Variants in COBL observed in about 807,000 individuals in gnomAD.
The protein encoded by COBL is cordon-bleu WH2 repeat protein.
Under a neutral mutation model 98.8 loss-of-function variants are expected in COBL, and 51 were observed. The ratio of observed to expected loss-of-function variants is 0.52; its 90% CI spans 0.41 to 0.65. The LOEUF is 0.65. Among genes scored for constraint, COBL ranks in the 30% least tolerant of loss-of-function variants. The pLI, the probability that COBL is intolerant of heterozygous loss-of-function variation, is 0.00. For synonymous variants in COBL, 634 were observed against 651.7 expected (o/e 0.97, Z 0.41); for missense variants, 1,617 against 1,617.5 (o/e 1.00, Z 0.01).
At chr7:51,100,502 C>T (rs1313911018) in intron 6 of COBL, among the ~76,000 whole-genome samples, 1 of 152,158 alleles carries the variant, frequency 6.6e-6, no homozygotes, top group Non-Finnish European at 1.5e-5. Flanking sequence ...TAGCTGAAGC[C>T]CTCTAAGCTC....
chr7:51,214,204 T>G (rs1792781493), intron 2 of COBL, among the ~76,000 whole-genome samples: 1 of 151,848 alleles, frequency 6.6e-6, no homozygotes, highest in Admixed American at 6.6e-5. Flanking sequence ...AGGCAGAGGT[T>G]GCAGTGAGCC....
chr7:51,027,462 C>A (rs571241126), intron 10 of COBL, among the ~76,000 whole-genome samples: 1 of 152,356 alleles, frequency 6.6e-6, no homozygotes, highest in South Asian at 2.1e-4. Flanking sequence ...ACCTTTCCCA[C>A]AGGGCAGCCA....
chr7:51,265,023 C>T (rs988163866), intron 1 of COBL, among the ~76,000 whole-genome samples: 3 of 152,166 alleles, frequency 2.0e-5, no homozygotes, highest in Non-Finnish European at 4.4e-5. Context: ...CTCATGCTCA[C>T]GTTTCCAATG....
chr7:51,026,069 T>C (rs902419415), intron 11 of COBL, among the ~76,000 whole-genome samples: 2 of 152,198 alleles, frequency 1.3e-5, no homozygotes, highest in Non-Finnish European at 2.9e-5. Context: ...ACAAATCACA[T>C]TGCTCCTCAA....
chr7:51,150,729 C>T (rs1785475252), intron 5 of COBL, among the ~76,000 whole-genome samples: 1 of 152,140 alleles, frequency 6.6e-6, no homozygotes, highest in African/African-American at 2.4e-5. Context: ...AGATGAAGAC[C>T]ACCTATGGCT....
rs1485148956 is a variant in COBL, at chr7:51,187,327, T to TACAC, written c.686-3129_686-3128insGTGT. 1.7e-3 allele frequency among the ~76,000 whole-genome samples: 241 copies of TACAC among 139,044 alleles called. 1 individual carries two copies. The highest frequency in any genetic ancestry group is 6.7e-3 in the African/African-American group (229 of 34,264). The allele number at this position is 139,044 out of a possible 152,430, so 91.2% of individuals were successfully genotyped here. On this transcript the variant is annotated intron_variant, in intron 4 of 12. Transcript: ENST00000265136. ...ATGTTTAAGTATATATATATATATA[T>TACAC]ATATACACACACACACACACACACA...
chr7:51,173,575 G>A (rs986936373), intron 5 of COBL, among the ~76,000 whole-genome samples: 1 of 152,098 alleles, frequency 6.6e-6, no homozygotes, highest in Non-Finnish European at 1.5e-5. Flanking sequence ...ATCCAGAAAA[G>A]AAAAATGGTA....
Position 51,065,212 on chromosome 7 carries a change from G to A in COBL, c.1096+19954C>T, listed in dbSNP as rs143548565. 943 of 703,000 alleles carry A rather than the reference G, an allele frequency of 1.3e-3. 7 individuals carry two copies. The African/African-American group carries it at 0.015, about 11-fold the overall frequency. The allele number at this position is 703,000 out of a possible 1,614,324, so 43.5% of individuals were successfully genotyped here. ...GACACAAGATGGGTTGTGTGTGTGT[G>A]CGTGTGTGTGTCTAAGTGTGCACAT... is the stretch of plus-strand genomic sequence containing the variant. On this transcript the variant is annotated intron_variant, in intron 7 of 12. Transcript: ENST00000265136.
At chr7:51,105,763 C>A (rs1275251779) in intron 6 of COBL, among the ~76,000 whole-genome samples, 3 of 151,714 alleles carry the variant, frequency 2.0e-5, no homozygotes, top group African/African-American at 7.3e-5. Flanking sequence ...CTCAGATCCA[C>A]CCTCTGTCCT....
At chr7:51,166,805 C>A (rs1356671888) in intron 5 of COBL, among the ~76,000 whole-genome samples, 1 of 152,030 alleles carries the variant, frequency 6.6e-6, no homozygotes, top group Non-Finnish European at 1.5e-5. Context: ...TCAACATATG[C>A]AAATCAATCA....
intron 6 of COBL, among the ~76,000 whole-genome samples, chr7:51,098,023 C>CAAA (rs3047141): frequency 1.1e-5 from 1 of 94,362 alleles, no homozygotes; most frequent in Non-Finnish European, 2.1e-5. Flanking sequence ...GACTCCATCT[C>CAAA]AAAAAAAAAA....
chr7:51,069,653 A>T (rs1031714790), intron 7 of COBL, among the ~76,000 whole-genome samples: 3 of 152,238 alleles, frequency 2.0e-5, no homozygotes, highest in African/African-American at 7.2e-5. Flanking sequence ...TGGGCTAGAC[A>T]TGGCAATCTG....
intron 7 of COBL, among the ~76,000 whole-genome samples, chr7:51,061,445 C>T (rs890760213): frequency 6.6e-6 from 1 of 152,006 alleles, no homozygotes; most frequent in African/African-American, 2.4e-5. Flanking sequence ...AGTGCATTTT[C>T]GGTTGTATAC....
Position 51,017,499 on chromosome 7 carries a change from G to A in COBL, c.*52C>T, listed in dbSNP as rs376769944. 273 of 1,591,904 alleles carry A rather than the reference G, an allele frequency of 1.7e-4. No individual in the cohort carries two copies. Among genetic ancestry groups the A allele is most frequent in the Admixed American group, 8.3e-5 (5 of 59,972 alleles). ...TGGCTATGCAGACTCCTTGAGTGAC[G>A]CCTGTGGGCATATTACAGGTGGGTT... On this transcript the variant is annotated 3_prime_UTR_variant, in exon 13 of 13. Coordinates refer to ENST00000265136, the MANE Select transcript of COBL (RefSeq NM_015198.5).
At chr7:51,025,425 C>T (rs998086213) in intron 11 of COBL, 53 bp from the exon 12 acceptor site, 1 of 1,593,526 alleles carries the variant, frequency 6.3e-7, no homozygotes, top group African/African-American at 1.3e-5. Context: ...TCCCAAAATT[C>T]AGCTGTGAAA....
chr7:51,082,171 A>G (rs547377995), intron 7 of COBL, among the ~76,000 whole-genome samples: 1 of 152,288 alleles, frequency 6.6e-6, no homozygotes, highest in East Asian at 1.9e-4. Context: ...CAGTGGCAGA[A>G]AAGTATGAAC....
At chr7:51,147,948 T>G (rs577972099) in intron 5 of COBL, among the ~76,000 whole-genome samples, 6 of 151,734 alleles carry the variant, frequency 4.0e-5, no homozygotes, top group Non-Finnish European at 8.8e-5. Context: ...ATTTTTAGTA[T>G]AGACGGGGTT....
chr7:51,298,333 G>A (rs980940893), intron 1 of COBL, among the ~76,000 whole-genome samples: 13 of 152,222 alleles, frequency 8.5e-5, no homozygotes, highest in East Asian at 1.9e-4. Flanking sequence ...GACTTGCTAC[G>A]TAGCAATAGG....
intron 6 of COBL, among the ~76,000 whole-genome samples, chr7:51,102,471 G>A (rs562484643): frequency 2.6e-5 from 4 of 152,250 alleles, no homozygotes; most frequent in East Asian, 1.9e-4. Context: ...TCCCACTCCC[G>A]ACCTTGGTTC....
Sources: allele counts gnomAD v4.1 joint callset (sites outside exome capture counted in the v4.1 genomes callset), GRCh38; gene constraint gnomAD v4.1.1; transcripts MANE v1.5; gene names NCBI Gene and HGNC (gene_info 2026-07-23, HGNC 2026-07-21).